Variants in TSPEAR observed in about 807,000 individuals in gnomAD.
TSPEAR encodes thrombospondin type laminin G domain and EAR repeats.
Under a neutral mutation model 71.6 loss-of-function variants are expected in TSPEAR, and 69 were observed. The observed-to-expected ratio is 0.96, with a 90% CI of 0.79 to 1.18. The LOEUF is 1.18. Ranked by LOEUF, TSPEAR falls within the 50% of genes most tolerant of loss-of-function variation. The pLI is 0.00. For synonymous variants in TSPEAR, 402 were observed against 387.2 expected (o/e 1.04, Z -0.45); for missense variants, 971 against 894.9 (o/e 1.09, Z -1.09).
rs587631627 is a variant in TSPEAR at position 44,567,889 on chromosome 21, G to T, written c.199C>A (p.Arg67Ser). ...CTGGATGCTGGGAAGCTCATGGTGC[G>T]GGGGGCGGCTACTGAGAGCTGGAGT... ...RGLQLSVAAPRTMSFPASRIF... is the reference protein window; with the variant it reads ...RGLQLSVAAPSTMSFPASRIF... Residue 67 changes from arginine (R) to serine (S), a missense_variant, in exon 2 of 12, where the codon CGC becomes AGC. Transcript: ENST00000323084. 2.5e-6 allele frequency: 4 copies of T among 1,607,272 alleles called. No homozygotes were observed. In the South Asian group the frequency reaches 3.3e-5, roughly 13 times the overall value.
At chr21:44,538,132 G>T (rs1435618840) in intron 2 of TSPEAR, among the ~76,000 whole-genome samples, 1 of 152,160 alleles carries the variant, frequency 6.6e-6, no homozygotes, top group Non-Finnish European at 1.5e-5. Context: ...AGCATCCCAG[G>T]GGCGGGCATT....
At chr21:44,575,174 C>A in intron 1 of TSPEAR, 2 of 821,542 alleles carry the variant, frequency 2.4e-6, no homozygotes, top group Non-Finnish European at 3.8e-6. Context: ...CTCAATGCTG[C>A]AGCCCTCTTG....
chr21:44,527,039 T>C (rs1342017356), intron 7 of TSPEAR, among the ~76,000 whole-genome samples: 1 of 152,238 alleles, frequency 6.6e-6, no homozygotes, highest in Non-Finnish European at 1.5e-5. Flanking sequence ...GAGGGGTCTA[T>C]GTAGAACGAG....
chr21:44,704,586 A>C (rs2063878365), intron 1 of TSPEAR, among the ~76,000 whole-genome samples: 1 of 152,214 alleles, frequency 6.6e-6, no homozygotes, highest in Non-Finnish European at 1.5e-5. Flanking sequence ...CAGATTGTTC[A>C]ACACCGAGGG....
At chr21:44,549,492 T>C (rs1332516263) in intron 2 of TSPEAR, among the ~76,000 whole-genome samples, 1 of 152,024 alleles carries the variant, frequency 6.6e-6, no homozygotes, top group Non-Finnish European at 1.5e-5. Context: ...CATGAGAAAA[T>C]AGTTTTTAAA....
At chr21:44,599,719 T>C (rs1323128169) in intron 1 of TSPEAR, among the ~76,000 whole-genome samples, 1 of 152,198 alleles carries the variant, frequency 6.6e-6, no homozygotes, top group Non-Finnish European at 1.5e-5. Context: ...TGGTGGCCAA[T>C]TGGATATTAT....
chr21:44,501,771 AAAAT>A (rs1331318590), intron 11 of TSPEAR, among the ~76,000 whole-genome samples: 2 of 152,104 alleles, frequency 1.3e-5, no homozygotes, highest in Admixed American at 6.5e-5. Context: ...TCCCCCCCAA[AAAAT>A]AAATAAGAAG....
chr21:44,591,371 A>G, intron 1 of TSPEAR: 1 of 1,586,692 alleles, frequency 6.3e-7, no homozygotes, highest in Non-Finnish European at 8.6e-7. Flanking sequence ...GGGACTCCGG[A>G]TCACATCCAG....
At chr21:44,615,384 G>A (rs1555932181) in intron 1 of TSPEAR, among the ~76,000 whole-genome samples, 1 of 152,202 alleles carries the variant, frequency 6.6e-6, no homozygotes, top group East Asian at 1.9e-4. Flanking sequence ...TCTGGCCTGG[G>A]GACACGCTGT....
chr21:44,702,382 G>A, intron 1 of TSPEAR: 3 of 530,614 alleles, frequency 5.7e-6, no homozygotes, highest in Non-Finnish European at 7.9e-6. Flanking sequence ...GGCAGCCTGT[G>A]AGCCCAGCTC....
At chr21:44,706,309 A>T (rs1987911423) in intron 1 of TSPEAR, among the ~76,000 whole-genome samples, 1 of 152,152 alleles carries the variant, frequency 6.6e-6, no homozygotes, top group Non-Finnish European at 1.5e-5. Context: ...ACGCATGCAC[A>T]CACCCACACG....
rs1340712281 is a variant in TSPEAR at position 44,498,280 on chromosome 21, T to C, written c.*1503A>G. On this transcript the variant is annotated 3_prime_UTR_variant, in exon 12 of 12. Coordinates refer to ENST00000323084, the MANE Select transcript of TSPEAR (RefSeq NM_144991.3). Reference sequence around the variant, plus strand: ...TGAGTGAATTGGGGTGTCGAGTTTTTAATCTTCCTTTCACAGGTGCTGACC... The same window carrying C: ...TGAGTGAATTGGGGTGTCGAGTTTTCAATCTTCCTTTCACAGGTGCTGACC... 2 of 152,262 alleles carry C rather than the reference T, an allele frequency of 1.3e-5. No individual in the cohort carries two copies. The highest frequency in any genetic ancestry group is 2.9e-5 in the Non-Finnish European group (2 of 68,082). 9.4% of individuals were successfully genotyped at this position (152,262 alleles called of 1,614,324 possible). A position where few individuals can be genotyped will look rare whatever the true frequency, so the allele number is the denominator to read the frequency against.
intron 2 of TSPEAR, among the ~76,000 whole-genome samples, chr21:44,541,507 A>G (rs2053222657): frequency 6.6e-6 from 1 of 152,234 alleles, no homozygotes; most frequent in South Asian, 2.1e-4. Flanking sequence ...GTGAATCCGC[A>G]TTAGAGAGAA....
rs774224654 is a variant in TSPEAR at position 44,499,316 on chromosome 21, G to A, written c.*467C>T. 26 of 160,256 alleles carry A rather than the reference G, an allele frequency of 1.6e-4. No individual in the cohort carries two copies. The highest frequency in any genetic ancestry group is 2.6e-4 in the Non-Finnish European group (19 of 72,810). The allele number at this position is 160,256 out of a possible 1,614,324, so 9.9% of individuals were successfully genotyped here. ...AGCACCGGTGCTTTTGTAAAGAGCA[G>A]TATAAATACACTTCCGTTCAGATAA... On this transcript the variant is annotated 3_prime_UTR_variant, in exon 12 of 12. Coordinates refer to ENST00000323084, the MANE Select transcript of TSPEAR (RefSeq NM_144991.3).
chr21:44,634,942 G>A (rs1983455047), intron 1 of TSPEAR, among the ~76,000 whole-genome samples: 1 of 152,176 alleles, frequency 6.6e-6, no homozygotes, highest in African/African-American at 2.4e-5. Flanking sequence ...AAACAGTCTG[G>A]CACGTCCTCA....
intron 10 of TSPEAR, among the ~76,000 whole-genome samples, chr21:44,507,490 T>C (rs1303132459): frequency 6.6e-6 from 1 of 152,146 alleles, no homozygotes; most frequent in Non-Finnish European, 1.5e-5. Flanking sequence ...TTGTGTGTGC[T>C]GTTTTGATGG....
chr21:44,597,870 C>T (rs782283714), intron 1 of TSPEAR, among the ~76,000 whole-genome samples: 2 of 152,148 alleles, frequency 1.3e-5, no homozygotes, highest in Non-Finnish European at 2.9e-5. Context: ...TATCTATCTG[C>T]CATCTGACTG....
chr21:44,702,929 T>G, intron 1 of TSPEAR: 3 of 555,422 alleles, frequency 5.4e-6, no homozygotes, highest in East Asian at 3.3e-5. Context: ...GCTGACCTCA[T>G]ACCCTACAAC....
At chr21:44,706,836 T>C (rs1987950838) in intron 1 of TSPEAR, among the ~76,000 whole-genome samples, 1 of 152,208 alleles carries the variant, frequency 6.6e-6, no homozygotes, top group African/African-American at 2.4e-5. Context: ...CCCATGGGAT[T>C]GGATTCGCCA....
Sources: allele counts gnomAD v4.1 joint callset (sites outside exome capture counted in the v4.1 genomes callset), GRCh38; gene constraint gnomAD v4.1.1; transcripts MANE v1.5; gene names NCBI Gene and HGNC (gene_info 2026-07-23, HGNC 2026-07-21).